The following ALG12 variants were observed in gnomAD, a reference collection of about 807,000 sequenced individuals.
ALG12 encodes dol-P-Man:Man(7)GlcNAc(2)-PP-Dol alpha-1,6-mannosyltransferase.
In ALG12, 36 loss-of-function variants were observed where a neutral mutation model predicts 46.0. The ratio of observed to expected loss-of-function variants is 0.78; its 90% CI spans 0.60 to 1.03. ALG12 has a LOEUF of 1.03. Ranked by LOEUF, ALG12 falls within the 50% of genes least tolerant of loss-of-function variation. The pLI, the probability that ALG12 is intolerant of heterozygous loss-of-function variation, is 0.00. For synonymous variants in ALG12, 326 were observed against 291.6 expected, an observed-to-expected ratio of 1.12 and a Z score of -1.20; for missense variants, 599 against 633.5, an observed-to-expected ratio of 0.95 and a Z score of 0.58.
Position 49,902,285 on chromosome 22 carries a change from CAT to C in ALG12, c.*1551_*1552del, listed in dbSNP as rs1248464715. The C allele has an allele frequency of 9.4e-6, 1 of 106,376 alleles. No individual in the cohort carries two copies. The highest frequency in any genetic ancestry group is 1.7e-5 in the Non-Finnish European group (1 of 58,188). The allele number at this position is 106,376 out of a possible 1,614,324, so 6.6% of individuals were successfully genotyped here. A position where few individuals can be genotyped will look rare whatever the true frequency, so the allele number is the denominator to read the frequency against. On this transcript the variant is annotated 3_prime_UTR_variant, in exon 10 of 10. Transcript: ENST00000330817. Reference sequence around the variant, plus strand: ...GGTGTGTGCATGTGTGCACTGTATGCATAGTGTGCACGTGTGCACTGTGTGTG... The same window carrying C: ...GGTGTGTGCATGTGTGCACTGTATGCAGTGTGCACGTGTGCACTGTGTGTG...
chr22:49,864,840 G>GA, the ALG12 span, among the ~76,000 whole-genome samples: 3 of 35,224 alleles, frequency 8.5e-5, no homozygotes, highest in African/African-American at 7.9e-4. Flanking sequence ...AAAAAAAAAA[G>GA]CCCTGATTAA....
At chr22:49,869,133 A>AAG in the ALG12 span, among the ~76,000 whole-genome samples, 10 of 151,898 alleles carry the variant, frequency 6.6e-5, no homozygotes, top group African/African-American at 2.4e-4. Context: ...AAAAAAAAAA[A>AAG]AAAAGAAAAA....
the ALG12 span, chr22:49,884,315 C>G: frequency 6.2e-7 from 1 of 1,613,772 alleles, no homozygotes; most frequent in Non-Finnish European, 8.5e-7. Flanking sequence ...AAGATCCCGT[C>G]CCCCGATCGA....
In ALG12 at chr22:49,902,062, ACT is replaced by A. The variant is rs2060512030; in HGVS notation, c.*1774_*1775del. ...TATGCATGGTAACGTACACGTGTGC[ACT>A]GTGTGTGGTGTGCATGCATGGTGTG... On this transcript the variant is annotated 3_prime_UTR_variant, in exon 10 of 10. Transcript: ENST00000330817. 1.8e-5 allele frequency: 2 copies of A among 109,822 alleles called. No individual in the cohort carries two copies. Among genetic ancestry groups the A allele is most frequent in the South Asian group, 6.0e-4 (2 of 3,314 alleles). The allele number at this position is 109,822 out of a possible 1,614,324, so 6.8% of individuals were successfully genotyped here.
At chr22:49,875,614 T>A in the ALG12 span, among the ~76,000 whole-genome samples, 4 of 151,854 alleles carry the variant, frequency 2.6e-5, no homozygotes, top group Non-Finnish European at 5.9e-5. Context: ...AGATACAGGG[T>A]TTCACCATGT....
At chr22:49,884,093 G>A in the ALG12 span, 2 of 1,613,012 alleles carry the variant, frequency 1.2e-6, no homozygotes, top group Non-Finnish European at 1.7e-6. Context: ...AAGGAGTTCA[G>A]CAGAGGCAAA....
the ALG12 span, among the ~76,000 whole-genome samples, chr22:49,893,399 CAACCTT>C: frequency 6.6e-6 from 1 of 152,160 alleles, no homozygotes; most frequent in Non-Finnish European, 1.5e-5. Flanking sequence ...GAGAAAGAGA[CAACCTT>C]AAGCAGAGGG....
chr22:49,897,618 A>G (rs1469474449), downstream of ALG12, among the ~76,000 whole-genome samples: 1 of 145,388 alleles, frequency 6.9e-6, no homozygotes, highest in East Asian at 2.0e-4. Context: ...CCATCTGCGT[A>G]TCTTCTTTGG....
chr22:49,875,840 A>AAATT, the ALG12 span, among the ~76,000 whole-genome samples: 1 of 152,108 alleles, frequency 6.6e-6, no homozygotes, highest in Non-Finnish European at 1.5e-5. Flanking sequence ...TGGTAGTGGT[A>AAATT]AATTCTGTCT....
At chr22:49,873,441 TGTG>T in the ALG12 span, among the ~76,000 whole-genome samples, 1 of 152,162 alleles carries the variant, frequency 6.6e-6, no homozygotes, top group Non-Finnish European at 1.5e-5. Flanking sequence ...GGGTGTGGCT[TGTG>T]GTGGCTCACG....
chr22:49,888,951 G>A, the ALG12 span: 88 of 167,384 alleles, frequency 5.3e-4, no homozygotes, highest in Non-Finnish European at 1.0e-3. Flanking sequence ...CTGTGCTCAC[G>A]ACCAGCTTGC....
chr22:49,884,177 A>G, the ALG12 span: 1 of 1,611,930 alleles, frequency 6.2e-7, no homozygotes, highest in Non-Finnish European at 8.5e-7. Flanking sequence ...CTCATTCAGG[A>G]AAATGGCAGT....
chr22:49,910,565 G>A lies in ALG12; in HGVS notation c.338C>T (p.Thr113Met), dbSNP rs1338909166. ...LGLGVIFGLW[T>M]LQKEVRRHFG... ...GTGCCGTCTCACTTCCTTTTGTAAC[G>A]TCCAGAGTCCAAAAATCACGCCGAG... is the stretch of plus-strand genomic sequence containing the variant. The change falls in exon 4 of 10, where the codon ACG becomes ATG. Residue 113 changes from threonine to methionine, a missense_variant. Physicochemically the swap from Thr to Met is moderately conservative, Grantham distance 81. Transcript: ENST00000330817. 10 of 1,614,032 alleles carry A rather than the reference G, an allele frequency of 6.2e-6. No homozygotes were observed. Among genetic ancestry groups the A allele is most frequent in the Admixed American group, 5.0e-5 (3 of 60,000 alleles).
At chr22:49,879,161 C>A in the ALG12 span, among the ~76,000 whole-genome samples, 16 of 144,284 alleles carry the variant, frequency 1.1e-4, no homozygotes, top group African/African-American at 4.0e-4. Context: ...AAACAAAAAA[C>A]AAAAAAAAAC....
Position 49,906,948 on chromosome 22 carries a change from C to T in ALG12, c.992+773G>A, listed in dbSNP as rs2060545501. Among the ~76,000 whole-genome samples, 1 of 152,110 alleles carries T rather than the reference C, an allele frequency of 6.6e-6. No individual in the cohort carries two copies. Among genetic ancestry groups the T allele is most frequent in the Non-Finnish European group, 1.5e-5 (1 of 67,992 alleles). On this transcript the variant is annotated intron_variant, in intron 7 of 9. Transcript: ENST00000330817. The surrounding 1 kb of genome is among the most constrained non-coding windows in gnomAD (Gnocchi z 4.4). ...TGGCAGCCGCGCTCAGACCACCCCACCCTCAGCCCAGGCAGTGCCCTCCCC... is the reference window on the plus strand; with the variant it reads ...TGGCAGCCGCGCTCAGACCACCCCATCCTCAGCCCAGGCAGTGCCCTCCCC...
chr22:49,913,980 G>A (rs982948480), intron 1 of ALG12, 137 bp from the exon 2 acceptor site: 1 of 619,146 alleles, frequency 1.6e-6, no homozygotes, highest in Non-Finnish European at 2.8e-6. Flanking sequence ...AACGCATCAA[G>A]ATGGAAAGTT....
At chr22:49,860,748 C>T in the ALG12 span, among the ~76,000 whole-genome samples, 1 of 150,068 alleles carries the variant, frequency 6.7e-6, no homozygotes, top group Non-Finnish European at 1.5e-5. Flanking sequence ...TAAAAGCTAC[C>T]TTTCTTATCC....
chr22:49,871,238 C>T, the ALG12 span, among the ~76,000 whole-genome samples: 1 of 143,026 alleles, frequency 7.0e-6, no homozygotes, highest in South Asian at 2.4e-4. Context: ...GTTAATTCAT[C>T]AGCACTTTGG....
the ALG12 span, chr22:49,888,705 C>G: frequency 2.4e-5 from 4 of 167,272 alleles, no homozygotes; most frequent in Admixed American, 6.5e-5. Flanking sequence ...TGGCCGCAGC[C>G]TCTGTGCACG....
Sources: gnomAD v4.1 joint callset for allele counts (sites outside exome capture counted in the v4.1 genomes callset) on GRCh38, gnomAD v4.1.1 for gene constraint, Gnocchi (gnomAD v3.1) non-coding constraint, MANE v1.5 for transcripts, NCBI Gene and HGNC (gene_info 2026-07-23, HGNC 2026-07-21) for gene names.